Variants in GIT1 observed in about 807,000 individuals in gnomAD.
The protein encoded by GIT1 is GIT ArfGAP 1, also known as ARF GTPase-activating protein GIT1.
GIT1 carries 14 observed loss-of-function variants against 91.7 expected under a neutral mutation model. The ratio of observed to expected loss-of-function variants is 0.15; its 90% CI spans 0.10 to 0.24. The LOEUF (loss-of-function observed/expected upper bound fraction) is 0.24. Ranked by LOEUF, GIT1 falls within the 10% of genes least tolerant of loss-of-function variation. The pLI is 1.00. For missense variants in GIT1, 717 were observed against 1,024.9 expected (o/e 0.70, Z 4.10); for synonymous variants, 414 against 418.2 (o/e 0.99, Z 0.12).
At position 29,575,907 on chromosome 17, in the gene GIT1, C is replaced by A; in HGVS notation, c.1666-9G>T. Reference sequence around the variant, plus strand: ...GACACCCCTTTCCGGATCTGAAACCCAGGGCAGCGCTGGATGGAGTCAGTG... The same window carrying A: ...GACACCCCTTTCCGGATCTGAAACCAAGGGCAGCGCTGGATGGAGTCAGTG... On this transcript the variant is annotated splice_polypyrimidine_tract_variant and intron_variant, in intron 15 of 19. Coordinates refer to ENST00000225394, the MANE Select transcript of GIT1 (RefSeq NM_014030.4). The surrounding 1 kb of genome is among the most constrained non-coding windows in gnomAD (Gnocchi z 5.5). 1.2e-6 allele frequency: 2 copies of A among 1,601,238 alleles called. No homozygotes were observed. The highest frequency in any genetic ancestry group is 4.5e-5 in the East Asian group (2 of 44,162).
rs1274472196 is a variant in GIT1 at position 29,581,572 on chromosome 17, G to GC, written c.718+169dup. The GC allele has an allele frequency of 1.6e-5, 11 of 694,588 alleles. No individual in the cohort carries two copies. The African/African-American group carries it at 1.9e-4, about 12-fold the overall frequency. The allele number at this position is 694,588 out of a possible 1,614,324, so 43.0% of individuals were successfully genotyped here. A position where few individuals can be genotyped will look rare whatever the true frequency, so the allele number is the denominator to read the frequency against. On this transcript the variant is annotated intron_variant, in intron 6 of 19. Transcript: ENST00000225394. The surrounding 1 kb of genome is among the most constrained non-coding windows in gnomAD (Gnocchi z 4.8). Reference sequence around the variant, plus strand: ...TGCCCACCCCCACTCCCTAGCCCCAGCGATGCTATGGCCCAGAGCCTGCAG... The same window carrying GC: ...TGCCCACCCCCACTCCCTAGCCCCAGCCGATGCTATGGCCCAGAGCCTGCAG...
At position 29,574,881 on chromosome 17, in the gene GIT1, G is replaced by A. The variant is rs1363128714; in HGVS notation, c.2107C>T (p.Arg703Trp). 1.3e-6 allele frequency: 2 copies of A among 1,578,560 alleles called. No individual in the cohort carries two copies. The highest frequency in any genetic ancestry group is 2.3e-5 in the East Asian group (1 of 43,234). ...CGGTAGGCGCTGGCGTTGAGCAGCC[G>A]CAGTGAGCTCCGCACTGGCTCCAGG... ...PALEPVRSSL[R>W]LLNASAYRLQ... Residue 703 changes from arginine (R) to tryptophan (W), a missense_variant, in exon 20 of 20, where the codon CGG becomes TGG. Arg to Trp is a moderately radical substitution (Grantham distance 101). Around this residue, in one of 3 missense-constraint regions of GIT1, gnomAD observed 134 missense variants for 223.8 expected, o/e 0.60. Transcript: ENST00000225394.
At chr17:29,582,222 C>T in intron 4 of GIT1, 78 bp from the exon 5 acceptor site, 7 of 1,107,332 alleles carry the variant, frequency 6.3e-6, no homozygotes, top group Non-Finnish European at 7.8e-6. Flanking sequence ...ACCCTGGCTG[C>T]CCCTGGGACA....
Position 29,582,672 on chromosome 17 carries a change from C to T in GIT1, c.405+26G>A, listed in dbSNP as rs769240680. 9.8e-6 allele frequency: 14 copies of T among 1,428,868 alleles called. No individual in the cohort carries two copies. The South Asian group carries it at 1.4e-4, about 14-fold the overall frequency. 88.5% of individuals were successfully genotyped at this position (1,428,868 alleles called of 1,614,324 possible). On this transcript the variant is annotated intron_variant, in intron 4 of 19. Transcript: ENST00000225394. Reference sequence around the variant, plus strand: ...GGATGGGAAGAAGAGGAGGGGGCCACCCATCTGTTGTAGGGCCCCTCAAAC... The same window carrying T: ...GGATGGGAAGAAGAGGAGGGGGCCATCCATCTGTTGTAGGGCCCCTCAAAC...
chr17:29,578,462 C>A, intron 8 of GIT1, 91 bp from the exon 9 acceptor site: 1 of 1,221,194 alleles, frequency 8.2e-7, no homozygotes, highest in South Asian at 1.2e-5. Context: ...CTTGGGGAAC[C>A]GGTGGCCTTC....
chr17:29,578,975 A>G, intron 7 of GIT1, 196 bp from the exon 8 acceptor site: 1 of 1,613,874 alleles, frequency 6.2e-7, no homozygotes, highest in South Asian at 1.1e-5. Flanking sequence ...TGAGACATGC[A>G]CTTTTGCCGA....
At chr17:29,577,599 C>CG (rs1363195642) in intron 10 of GIT1, 46 bp downstream of exon 10, 1 of 1,226,552 alleles carries the variant, frequency 8.2e-7, no homozygotes, top group East Asian at 2.3e-5. Context: ...GGAGGGACCG[C>CG]GGGGATGAAG....
Position 29,582,887 on chromosome 17 carries a change from G to A in GIT1, c.299+38C>T, listed in dbSNP as rs546766576. The A allele has an allele frequency of 3.3e-4, 510 of 1,556,596 alleles. 5 individuals carry two copies. The South Asian group carries it at 5.3e-3, about 16-fold the overall frequency. On this transcript the variant is annotated intron_variant, in intron 3 of 19. Coordinates refer to ENST00000225394, the MANE Select transcript of GIT1 (RefSeq NM_014030.4). ...ACCTCCCAGGGCCCTGTCCCGGACT[G>A]CGCAGTCTCTGCCCACCACCCCTCC...
chr17:29,578,822 C>A (rs752044093), intron 7 of GIT1, 43 bp from the exon 8 acceptor site: 19 of 1,600,600 alleles, frequency 1.2e-5, no homozygotes, highest in Non-Finnish European at 1.5e-5. Flanking sequence ...GAGGAGAGAC[C>A]TGAGAGGTGG....
rs759160468 is a variant in GIT1, at chr17:29,576,266, G to T, written c.1565C>A (p.Pro522His). 4 of 1,610,524 alleles carry T rather than the reference G, an allele frequency of 2.5e-6. No individual in the cohort carries two copies. Among genetic ancestry groups the T allele is most frequent in the Middle Eastern group, 1.7e-4 (1 of 6,054 alleles). ...CCGCGTAGTGAGCTCGTCCCCAGGG[G>T]GGCCCCCAAAGGGCTTCAGGGCAGA... ...PGSALKPFGGPPGDELTTRLQ... is the reference protein window; with the variant it reads ...PGSALKPFGGHPGDELTTRLQ... Residue 522 changes from proline to histidine, a missense_variant, in exon 14 of 20, where the codon CCC becomes CAC. Pro to His is a moderately conservative substitution (Grantham distance 77, BLOSUM62 -2). This residue lies in a region of GIT1 where 312 missense variants were observed against 349.5 expected (regional missense o/e 0.89). Coordinates refer to ENST00000225394, the MANE Select transcript of GIT1 (RefSeq NM_014030.4).
In GIT1 at chr17:29,576,234, G is replaced by T. The variant is rs758288314; in HGVS notation, c.1597C>A (p.Pro533Thr). ...AGGTGACTCACAGTGCTGTGGAAAG[G>T]CTGCAGCCGCGTAGTGAGCTCGTCC... is the stretch of plus-strand genomic sequence containing the variant. ...PGDELTTRLQ[P>T]FHSTELEDDA... is the part of the protein sequence containing the mutation. Residue 533 changes from proline to threonine, a missense_variant, in exon 14 of 20, where the codon CCT (proline) becomes ACT (threonine). Around this residue, in one of 3 missense-constraint regions of GIT1, gnomAD observed 312 missense variants for 349.5 expected, o/e 0.89. Coordinates refer to ENST00000225394, the MANE Select transcript of GIT1 (RefSeq NM_014030.4). The T allele has an allele frequency of 6.2e-7, 1 of 1,608,074 alleles. No homozygotes were observed. Among genetic ancestry groups the T allele is most frequent in the Non-Finnish European group, 8.5e-7 (1 of 1,175,822 alleles).
At chr17:29,583,647 G>T (rs564089728) in intron 1 of GIT1, 31 bp from the exon 2 acceptor site, 1 of 1,549,608 alleles carries the variant, frequency 6.5e-7, no homozygotes, top group South Asian at 1.2e-5. Context: ...GTCAGCCGGA[G>T]CCAGATGATG....
chr17:29,582,878 T>G, intron 3 of GIT1, 47 bp downstream of exon 3: 2 of 1,548,776 alleles, frequency 1.3e-6, no homozygotes, highest in Non-Finnish European at 1.8e-6. Flanking sequence ...CAGGGCCCTG[T>G]CCCGGACTGC....
chr17:29,576,753 G>T, intron 12 of GIT1, 79 bp from the exon 13 acceptor site: 1 of 1,591,530 alleles, frequency 6.3e-7, no homozygotes, highest in South Asian at 1.1e-5. Flanking sequence ...TTGAGGCTAG[G>T]AGCAGCCCAC....
chr17:29,575,975 A>T lies in GIT1; in HGVS notation c.1666-77T>A. Reference sequence around the variant, plus strand: ...GCTCACCAGCAGTGCAGCAGGGACCAGGTCAGTCTAATCATCTTAAGCCCC... The same window carrying T: ...GCTCACCAGCAGTGCAGCAGGGACCTGGTCAGTCTAATCATCTTAAGCCCC... On this transcript the variant is annotated intron_variant, in intron 15 of 19. Coordinates refer to ENST00000225394, the MANE Select transcript of GIT1 (RefSeq NM_014030.4). The surrounding 1 kb of genome is among the most constrained non-coding windows in gnomAD (Gnocchi z 5.5). The T allele has an allele frequency of 6.5e-7, 1 of 1,530,588 alleles. No individual in the cohort carries two copies. Among genetic ancestry groups the T allele is most frequent in the African/African-American group, 1.4e-5 (1 of 73,252 alleles). The allele number at this position is 1,530,588 out of a possible 1,614,324, so 94.8% of individuals were successfully genotyped here. A position where few individuals can be genotyped will look rare whatever the true frequency, so the allele number is the denominator to read the frequency against.
rs2033093583 is a variant in GIT1 at position 29,574,125 on chromosome 17, A to G, written c.*577T>C. On this transcript the variant is annotated 3_prime_UTR_variant, in exon 20 of 20. Coordinates refer to ENST00000225394, the MANE Select transcript of GIT1 (RefSeq NM_014030.4). ...TTAAAATTAAGGGGTGGGGAAGAAG[A>G]AAGAAAAAAAAAAAACAGACTTTCC... is the stretch of plus-strand genomic sequence containing the variant. 1 of 152,238 alleles carries G rather than the reference A, an allele frequency of 6.6e-6. No individual in the cohort carries two copies. Among genetic ancestry groups the G allele is most frequent in the African/African-American group, 2.4e-5 (1 of 41,280 alleles). The allele number at this position is 152,238 out of a possible 1,614,324, so 9.4% of individuals were successfully genotyped here.
intron 9 of GIT1, 105 bp downstream of exon 9, chr17:29,578,194 G>C: frequency 2.1e-6 from 2 of 934,046 alleles, no homozygotes; most frequent in Admixed American, 3.5e-5. Context: ...AGGCCTCTGA[G>C]CAGCCCCAAC....
chr17:29,578,648 G>A lies in GIT1; in HGVS notation c.810+83C>T. 4.0e-6 allele frequency: 5 copies of A among 1,247,778 alleles called. No homozygotes were observed. The South Asian group carries it at 4.8e-5, about 12-fold the overall frequency. The allele number at this position is 1,247,778 out of a possible 1,614,324, so 77.3% of individuals were successfully genotyped here. A position where few individuals can be genotyped will look rare whatever the true frequency, so the allele number is the denominator to read the frequency against. On this transcript the variant is annotated intron_variant, in intron 8 of 19. Transcript: ENST00000225394. Reference sequence around the variant, plus strand: ...AGACTTGGAAAAGGTCATCGAGTCAGAGGCAGAGGAAGCAAGAGCAGAGGG... The same window carrying A: ...AGACTTGGAAAAGGTCATCGAGTCAAAGGCAGAGGAAGCAAGAGCAGAGGG...
chr17:29,588,054 A>G (rs2033655414), intron 1 of GIT1, among the ~76,000 whole-genome samples: 1 of 152,142 alleles, frequency 6.6e-6, no homozygotes, highest in African/African-American at 2.4e-5. Flanking sequence ...TTTTGTGCCC[A>G]AGCCCTGCTA....
Sources: gnomAD v4.1 joint callset for allele counts (sites outside exome capture counted in the v4.1 genomes callset) on GRCh38, gnomAD v4.1.1 for gene constraint, gnomAD v4.1.1 regional missense constraint, Gnocchi (gnomAD v3.1) non-coding constraint, MANE v1.5 for transcripts, NCBI Gene and HGNC (gene_info 2026-07-23, HGNC 2026-07-21) for gene names.